SCYL2: variants seen among roughly 807,000 people sequenced by gnomAD.
SCYL2 encodes SCY1 like pseudokinase 2.
SCYL2 carries 36 observed loss-of-function variants against 100.4 expected under a neutral mutation model. The observed-to-expected ratio is 0.36, with a 90% CI of 0.27 to 0.47. SCYL2 has a LOEUF of 0.47. Among genes scored for constraint, SCYL2 ranks in the 20% least tolerant of loss-of-function variants. The pLI is 1.00. For synonymous variants in SCYL2, 330 were observed against 359.2 expected (o/e 0.92, Z 0.92); for missense variants, 902 against 1,083.9 (o/e 0.83, Z 2.36).
rs778706562 is a variant in SCYL2 at position 100,297,982 on chromosome 12, A to G, written c.336-49A>G. 21 of 1,374,254 alleles carry G rather than the reference A, an allele frequency of 1.5e-5. No homozygotes were observed. In the East Asian group the frequency reaches 4.7e-4, roughly 31 times the overall value. 85.1% of individuals were successfully genotyped at this position (1,374,254 alleles called of 1,614,324 possible). On this transcript the variant is annotated intron_variant, in intron 3 of 17. Transcript: ENST00000360820. Reference sequence around the variant, plus strand: ...AATATTTTATGTATATTTGATTTTGATAATGTGTAATAATATGATAGTAAA... The same window carrying G: ...AATATTTTATGTATATTTGATTTTGGTAATGTGTAATAATATGATAGTAAA...
intron 4 of SCYL2, among the ~76,000 whole-genome samples, chr12:100,309,418 T>C (rs1008025026): frequency 6.6e-6 from 1 of 152,190 alleles, no homozygotes; most frequent in Non-Finnish European, 1.5e-5. Context: ...GCAACCACAA[T>C]TGTACTTTCT....
chr12:100,291,566 C>G lies in SCYL2; in HGVS notation c.241C>G (p.Gln81Glu). Residue 81 changes from glutamine to glutamate, a missense_variant, in exon 3 of 18, where the codon CAA becomes GAA. Coordinates refer to ENST00000360820, the MANE Select transcript of SCYL2 (RefSeq NM_017988.6). ...CAAGTATCAAAAATTTGAAAAGGAT[C>G]AAATCATTGATTCTCTAAAACGAGG... ...IDKYQKFEKD[Q>E]IIDSLKRGVQ... 6.3e-7 allele frequency: 1 copy of G among 1,594,034 alleles called. No homozygotes were observed. Among genetic ancestry groups the G allele is most frequent in the Admixed American group, 1.8e-5 (1 of 55,770 alleles).
intron 10 of SCYL2, among the ~76,000 whole-genome samples, chr12:100,320,593 T>G (rs1054810235): frequency 6.7e-6 from 1 of 148,594 alleles, no homozygotes; most frequent in African/African-American, 2.5e-5. Context: ...AATAAATAAA[T>G]AAAGTTCCTC....
intron 4 of SCYL2, 88 bp from the exon 5 acceptor site, chr12:100,310,956 A>G (rs957143296): frequency 1.0e-5 from 13 of 1,261,722 alleles, no homozygotes; most frequent in Non-Finnish European, 1.4e-5. Context: ...TATTGTGAAG[A>G]GTAGCAATAA....
At chr12:100,302,989 A>G (rs2096329660) in intron 4 of SCYL2, among the ~76,000 whole-genome samples, 2 of 151,772 alleles carry the variant, frequency 1.3e-5, no homozygotes, top group South Asian at 4.2e-4. Flanking sequence ...TTGATGCTTT[A>G]TTTCATCAAG....
At chr12:100,324,450 C>G (rs1035389459) in intron 11 of SCYL2, among the ~76,000 whole-genome samples, 4 of 152,088 alleles carry the variant, frequency 2.6e-5, no homozygotes, top group Non-Finnish European at 5.9e-5. Flanking sequence ...AAAACTAGTT[C>G]TCTGGAGATC....
chr12:100,331,984 G>A (rs185884529), intron 13 of SCYL2, among the ~76,000 whole-genome samples: 35 of 152,280 alleles, frequency 2.3e-4, no homozygotes, highest in Admixed American at 5.2e-4. Flanking sequence ...GGATGATTCA[G>A]TAGGAGGACT....
chr12:100,323,794 T>C (rs1167162777), intron 11 of SCYL2, 156 bp downstream of exon 11: 2 of 448,740 alleles, frequency 4.5e-6, no homozygotes, highest in Non-Finnish European at 7.8e-6. Context: ...GCTGTAGTTT[T>C]CTTTGATACA....
At chr12:100,325,705 A>G (rs1342759004) in intron 11 of SCYL2, among the ~76,000 whole-genome samples, 1 of 152,144 alleles carries the variant, frequency 6.6e-6, no homozygotes, top group Non-Finnish European at 1.5e-5. Context: ...CTAATATTTT[A>G]TATATCCTAA....
chr12:100,293,210 G>GGT (rs2096312619), intron 3 of SCYL2, among the ~76,000 whole-genome samples: 1 of 152,086 alleles, frequency 6.6e-6, no homozygotes, highest in East Asian at 1.9e-4. Context: ...TCCTGCCTCA[G>GGT]CCTATCAAGT....
chr12:100,338,772 G>T lies in SCYL2; in HGVS notation c.2390G>T (p.Ser797Ile), dbSNP rs1192974397. Residue 797 changes from serine (S) to isoleucine (I), a missense_variant, in exon 18 of 18, where the codon AGT becomes ATT. Coordinates refer to ENST00000360820, the MANE Select transcript of SCYL2 (RefSeq NM_017988.6). Reference protein sequence around the residue: ...PVNTNQNFYSSPSTVGVTKMT... With the variant: ...PVNTNQNFYSIPSTVGVTKMT... ...AATACAAACCAGAACTTCTACAGTA[G>T]TCCAAGCACAGTTGGAGTGACCAAG... The T allele has an allele frequency of 6.2e-7, 1 of 1,614,130 alleles. No individual in the cohort carries two copies. Among genetic ancestry groups the T allele is most frequent in the Admixed American group, 1.7e-5 (1 of 60,020 alleles).
At position 100,283,293 on chromosome 12, in the gene SCYL2, G is replaced by T. The variant is rs1321854545; in HGVS notation, c.177+146G>T. ...TTTAGTTCTCATTTTATCTTATTAAGTCATACAAAAAAACAAATGCTTTTA... is the reference window on the plus strand; with the variant it reads ...TTTAGTTCTCATTTTATCTTATTAATTCATACAAAAAAACAAATGCTTTTA... On this transcript the variant is annotated intron_variant, in intron 2 of 17. Transcript: ENST00000360820. 1.1e-5 allele frequency: 7 copies of T among 635,550 alleles called. No homozygotes were observed. The African/African-American group carries it at 1.3e-4, about 12-fold the overall frequency. The allele number at this position is 635,550 out of a possible 1,614,324, so 39.4% of individuals were successfully genotyped here.
At chr12:100,335,504 CTCT>C (rs2135943163) in intron 14 of SCYL2, 118 bp from the exon 15 acceptor site, 2 of 660,960 alleles carry the variant, frequency 3.0e-6, no homozygotes, top group South Asian at 2.3e-5. Context: ...GAAAAGATGA[CTCT>C]TCTTAAAGAG....
Position 100,315,676 on chromosome 12 carries a change from A to G in SCYL2, c.1214A>G (p.Tyr405Cys), listed in dbSNP as rs1348390466. The G allele has an allele frequency of 6.2e-7, 1 of 1,612,222 alleles. No individual in the cohort carries two copies. The highest frequency in any genetic ancestry group is 1.7e-5 in the Admixed American group (1 of 59,958). Residue 405 changes from tyrosine (Y) to cysteine (C), a missense_variant, in exon 9 of 18, where the codon TAT becomes TGT. Transcript: ENST00000360820. The part of the protein sequence containing the change: ...LIAEECTKEE[Y>C]VKLILPELGP... ...GCTGAGGAATGCACCAAAGAAGAAT[A>G]TGTCAAATTAATTCTTCCTGAACTT...
rs7299418 is a variant in SCYL2, at chr12:100,318,371, C to T, written c.1395+446C>T. Among the ~76,000 whole-genome samples, 1,322 of 146,716 alleles carry T rather than the reference C, an allele frequency of 9.0e-3. 15 individuals carry two copies. The highest frequency in any genetic ancestry group is 0.032 in the African/African-American group (1,259 of 39,234). On this transcript the variant is annotated intron_variant, in intron 10 of 17. Coordinates refer to ENST00000360820, the MANE Select transcript of SCYL2 (RefSeq NM_017988.6). ...TTTGAGACTGAGTCTTGCTCTGTCGCCCAGGCTGGAGTGCAGTAGCACAAT... is the reference window on the plus strand; with the variant it reads ...TTTGAGACTGAGTCTTGCTCTGTCGTCCAGGCTGGAGTGCAGTAGCACAAT...
rs35666642 is a variant in SCYL2 at position 100,322,044 on chromosome 12, CAAAAAAA to C, written c.1396-1471_1396-1465del. Reference sequence around the variant, plus strand: ...CCCTGGGTGACAGAGCAAGACTCTCCAAAAAAAAAAAAAAAAGAAAAAAAAACCCAAG... The same window carrying C: ...CCCTGGGTGACAGAGCAAGACTCTCCAAAAAAAAAGAAAAAAAAACCCAAG... On this transcript the variant is annotated intron_variant, in intron 10 of 17. Transcript: ENST00000360820. Among the ~76,000 whole-genome samples the C allele has an allele frequency of 1.3e-4, 9 of 66,794 alleles. No individual in the cohort carries two copies. The East Asian group carries it at 1.9e-3, about 14-fold the overall frequency. The allele number at this position is 66,794 out of a possible 152,430, so 43.8% of individuals were successfully genotyped here. A position where few individuals can be genotyped will look rare whatever the true frequency, so the allele number is the denominator to read the frequency against.
Position 100,283,015 on chromosome 12 carries a change from A to G in SCYL2, c.45A>G (p.Val15=). The G allele has an allele frequency of 6.2e-7, 1 of 1,612,052 alleles. No homozygotes were observed. The highest frequency in any genetic ancestry group is 1.1e-5 in the South Asian group (1 of 90,684). ...LNKLKSTVTK[V]TADVTSAVMG... is the part of the protein sequence containing the mutation. Reference sequence around the variant, plus strand: ...AATTGAAGAGTACTGTTACAAAAGTAACAGCTGATGTCACTAGTGCTGTAA... The same window carrying G: ...AATTGAAGAGTACTGTTACAAAAGTGACAGCTGATGTCACTAGTGCTGTAA... Residue 15 remains valine, a synonymous_variant, in exon 2 of 18, where the codon GTA becomes GTG. Transcript: ENST00000360820.
chr12:100,317,644 G>A (rs759816234), intron 9 of SCYL2, 159 bp from the exon 10 acceptor site: 5 of 1,405,164 alleles, frequency 3.6e-6, no homozygotes, highest in Non-Finnish European at 4.6e-6. Flanking sequence ...AAATGTAAGA[G>A]ACTTGATTTG....
rs1228598494 is a variant in SCYL2 at position 100,339,051 on chromosome 12, G to A, written c.2669G>A (p.Gly890Glu). 8 of 1,613,958 alleles carry A rather than the reference G, an allele frequency of 5.0e-6. No homozygotes were observed. The highest frequency in any genetic ancestry group is 6.8e-6 in the Non-Finnish European group (8 of 1,179,972). Residue 890 changes from glycine (G) to glutamate (E), a missense_variant, in exon 18 of 18, where the codon GGA becomes GAA. Transcript: ENST00000360820. ...ATGGGGACACAGATGAACGTGATAGGACAATCTGCTTTTGGTATGCAGGGT... is the reference window on the plus strand; with the variant it reads ...ATGGGGACACAGATGAACGTGATAGAACAATCTGCTTTTGGTATGCAGGGT... Reference protein sequence around the residue: ...SVMGTQMNVIGQSAFGMQGNP... With the variant: ...SVMGTQMNVIEQSAFGMQGNP...
Sources: allele counts gnomAD v4.1 joint callset (sites outside exome capture counted in the v4.1 genomes callset), GRCh38; gene constraint gnomAD v4.1.1; transcripts MANE v1.5; gene names NCBI Gene and HGNC (gene_info 2026-07-23, HGNC 2026-07-21).